HDAC9: variants seen among roughly 807,000 people sequenced by gnomAD.
HDAC9 encodes MEF-2 interacting transcription repressor (MITR) protein.
A neutral mutation model predicts 139.4 loss-of-function variants in HDAC9; 41 were observed. That is an observed-to-expected ratio of 0.29 (90% CI 0.23 to 0.38). The LOEUF is 0.38. Among genes scored for constraint, HDAC9 ranks in the 10% least tolerant of loss-of-function variants. The pLI, the probability that HDAC9 is intolerant of heterozygous loss-of-function variation, is 1.00. For missense variants in HDAC9, 1,147 were observed against 1,297.0 expected (o/e 0.88, Z 1.78); for synonymous variants, 517 against 476.2 (o/e 1.09, Z -1.12).
intron 12 of HDAC9, among the ~76,000 whole-genome samples, chr7:18,686,806 C>T (rs1377050398): frequency 6.6e-6 from 1 of 151,772 alleles, no homozygotes; most frequent in African/African-American, 2.4e-5. Context: ...TTGGAATCCT[C>T]TCACCTTCAT....
chr7:18,827,617 G>T (rs1585112342), intron 17 of HDAC9, among the ~76,000 whole-genome samples: 1 of 152,038 alleles, frequency 6.6e-6, no homozygotes, highest in Non-Finnish European at 1.5e-5. Context: ...ATAGCTACTG[G>T]TTACTGGGTG....
intron 17 of HDAC9, among the ~76,000 whole-genome samples, chr7:18,820,790 CATA>C (rs1344059371): frequency 6.6e-6 from 1 of 152,056 alleles, no homozygotes; most frequent in African/African-American, 2.4e-5. Flanking sequence ...GTGTAATAAA[CATA>C]ATAACAACAA....
chr7:18,825,519 G>C (rs377746982), intron 17 of HDAC9, among the ~76,000 whole-genome samples: 50 of 152,112 alleles, frequency 3.3e-4, no homozygotes, highest in African/African-American at 1.2e-3. Flanking sequence ...GGTGACTTTT[G>C]TAAGAGCTTC....
At chr7:18,633,772 C>G (rs1249555552) in intron 7 of HDAC9, among the ~76,000 whole-genome samples, 1 of 151,972 alleles carries the variant, frequency 6.6e-6, no homozygotes, top group Non-Finnish European at 1.5e-5. Flanking sequence ...TTTGCCAAAG[C>G]TTGATAAGAT....
chr7:18,391,207 A>C (rs1357722048), intron 1 of HDAC9, among the ~76,000 whole-genome samples: 1 of 151,876 alleles, frequency 6.6e-6, no homozygotes, highest in Non-Finnish European at 1.5e-5. Context: ...CAACATGGTG[A>C]AACCCCGTCT....
At position 18,954,171 on chromosome 7, in the gene HDAC9, T is replaced by C; in HGVS notation, c.2963T>C (p.Leu988Pro). The C allele has an allele frequency of 6.4e-7, 1 of 1,574,644 alleles. No individual in the cohort carries two copies. Among genetic ancestry groups the C allele is most frequent in the Non-Finnish European group, 8.7e-7 (1 of 1,154,786 alleles). The change falls in exon 24 of 26, where the codon CTC becomes CCC. Residue 988 changes from leucine (L) to proline (P), a missense_variant. Physicochemically the swap from Leu to Pro is moderately conservative, Grantham distance 98. Around this residue, in one of 7 missense-constraint regions of HDAC9, gnomAD observed 407 missense variants for 521.5 expected, o/e 0.78. Transcript: ENST00000686413. ...NELEPLAEDI[L>P]HQSPNMNAVI... is the part of the protein sequence containing the mutation. ...CTGGAGCCACTTGCAGAAGATATTC[T>C]CCACCAAAGCCCGAATATGAATGCT...
At chr7:18,823,909 T>G (rs1040272632) in intron 17 of HDAC9, among the ~76,000 whole-genome samples, 1 of 151,180 alleles carries the variant, frequency 6.6e-6, no homozygotes, top group Non-Finnish European at 1.5e-5. Context: ...AGCCCACGGG[T>G]TGAGACTGCA....
chr7:18,623,668 G>A (rs1246763723), intron 6 of HDAC9, among the ~76,000 whole-genome samples: 1 of 152,182 alleles, frequency 6.6e-6, no homozygotes, highest in African/African-American at 2.4e-5. Context: ...TGGTGGCTGG[G>A]TGCAGTGGCT....
At chr7:18,181,410 A>T (rs971711693) in intron 2 of HDAC9, among the ~76,000 whole-genome samples, 1 of 152,178 alleles carries the variant, frequency 6.6e-6, no homozygotes, top group Non-Finnish European at 1.5e-5. Context: ...AAAAGAGACA[A>T]TTTAGACTAT....
intron 1 of HDAC9, among the ~76,000 whole-genome samples, chr7:18,150,683 C>T (rs987430220): frequency 2.0e-5 from 3 of 152,194 alleles, no homozygotes; most frequent in African/African-American, 2.4e-5. Context: ...TATTCATCCA[C>T]ATCACTCTCT....
intron 1 of HDAC9, among the ~76,000 whole-genome samples, chr7:18,392,919 C>CAAAA (rs773532939): frequency 9.0e-5 from 4 of 44,536 alleles, no homozygotes; most frequent in African/African-American, 1.8e-4. Flanking sequence ...CCATGACTGG[C>CAAAA]AAAAAAAAAA....
chr7:18,679,490 T>C (rs80012717), intron 12 of HDAC9, among the ~76,000 whole-genome samples: 4 of 151,308 alleles, frequency 2.6e-5, no homozygotes, highest in African/African-American at 9.7e-5. Context: ...CTCTCTCCCT[T>C]TCTTTTCTTT....
intron 6 of HDAC9, among the ~76,000 whole-genome samples, chr7:18,596,849 C>T (rs28419057): frequency 0.023 from 3,515 of 152,140 alleles, 137 homozygotes; most frequent in African/African-American, 0.08. Flanking sequence ...AAATCTACAT[C>T]AGCAATATGT....
intron 22 of HDAC9, among the ~76,000 whole-genome samples, chr7:18,878,316 A>G (rs1799475669): frequency 6.6e-6 from 1 of 152,136 alleles, no homozygotes; most frequent in African/African-American, 2.4e-5. Context: ...ATATATTCAA[A>G]TTGCTTTTGT....
intron 6 of HDAC9, among the ~76,000 whole-genome samples, chr7:18,622,617 C>T (rs568004348): frequency 1.3e-4 from 19 of 151,842 alleles, no homozygotes; most frequent in Admixed American, 3.3e-4. Flanking sequence ...CCACCGTGCC[C>T]GGCCTAAAGA....
intron 6 of HDAC9, among the ~76,000 whole-genome samples, chr7:18,606,662 G>A (rs1344646762): frequency 6.6e-6 from 1 of 151,884 alleles, no homozygotes; most frequent in Non-Finnish European, 1.5e-5. Flanking sequence ...GAAAATTTTA[G>A]CTTCTTTTCA....
intron 15 of HDAC9, 124 bp from the exon 16 acceptor site, chr7:18,766,978 TATTA>T (rs1289178907): frequency 2.1e-6 from 1 of 468,426 alleles, no homozygotes; most frequent in Non-Finnish European, 3.8e-6. Flanking sequence ...TCTGAAGTTT[TATTA>T]ATTTATTTTT....
intron 8 of HDAC9, among the ~76,000 whole-genome samples, chr7:18,635,477 C>T (rs1257727513): frequency 1.3e-5 from 2 of 151,864 alleles, no homozygotes; most frequent in Non-Finnish European, 2.9e-5. Flanking sequence ...ACCAATGATA[C>T]AAGACTAAGA....
intron 6 of HDAC9, 25 bp downstream of exon 6, chr7:18,594,054 G>A (rs1831756686): frequency 6.2e-7 from 1 of 1,610,882 alleles, no homozygotes; most frequent in Non-Finnish European, 8.5e-7. Context: ...CAGGAACTCT[G>A]TTTGCTCTTC....
Sources: allele counts gnomAD v4.1 joint callset (sites outside exome capture counted in the v4.1 genomes callset), GRCh38; gene constraint gnomAD v4.1.1; regional missense constraint gnomAD v4.1.1; transcripts MANE v1.5; gene names NCBI Gene and HGNC (gene_info 2026-07-23, HGNC 2026-07-21).